The following DOCK3 variants were observed in gnomAD, a reference collection of about 807,000 sequenced individuals.
DOCK3 encodes dedicator of cytokinesis protein 3.
Under a neutral mutation model 265.6 loss-of-function variants are expected in DOCK3, and 60 were observed. That is an observed-to-expected ratio of 0.23 (90% CI 0.18 to 0.28). DOCK3 has a LOEUF of 0.28. Ranked by LOEUF, DOCK3 falls within the 10% of genes least tolerant of loss-of-function variation. The pLI, the probability that DOCK3 is intolerant of heterozygous loss-of-function variation, is 1.00. For missense variants in DOCK3, 1,981 were observed against 2,594.3 expected (o/e 0.76, Z 5.14); for synonymous variants, 881 against 938.0 (o/e 0.94, Z 1.11).
intron 12 of DOCK3, among the ~76,000 whole-genome samples, chr3:51,171,122 G>A (rs907550413): frequency 2.6e-5 from 4 of 151,938 alleles, no homozygotes; most frequent in Non-Finnish European, 4.4e-5. Flanking sequence ...TTAGTTCCTT[G>A]AGATATAACA....
At chr3:50,927,132 T>C (rs1442904672) in intron 4 of DOCK3, among the ~76,000 whole-genome samples, 1 of 152,206 alleles carries the variant, frequency 6.6e-6, no homozygotes, top group African/African-American at 2.4e-5. Context: ...GCTTCTATTG[T>C]TTCTTATGCT....
At chr3:51,030,694 A>T (rs2080012422) in intron 5 of DOCK3, among the ~76,000 whole-genome samples, 1 of 152,206 alleles carries the variant, frequency 6.6e-6, no homozygotes, top group South Asian at 2.1e-4. Context: ...ATGTGTCAAG[A>T]GGAATAACAT....
intron 32 of DOCK3, among the ~76,000 whole-genome samples, chr3:51,327,236 G>A (rs2084187747): frequency 6.6e-6 from 1 of 152,096 alleles, no homozygotes; most frequent in Non-Finnish European, 1.5e-5. Flanking sequence ...TGGTGCCTGG[G>A]ACATGGTAGG....
At chr3:51,070,967 C>G (rs1347136830) in intron 6 of DOCK3, among the ~76,000 whole-genome samples, 1 of 152,198 alleles carries the variant, frequency 6.6e-6, no homozygotes, top group Non-Finnish European at 1.5e-5. Context: ...ACCCTCCCCC[C>G]GATCCGTGGA....
At chr3:50,995,059 A>G (rs901602117) in intron 5 of DOCK3, among the ~76,000 whole-genome samples, 2 of 152,170 alleles carry the variant, frequency 1.3e-5, no homozygotes, top group Non-Finnish European at 2.9e-5. Context: ...CTCAATATTC[A>G]TATTTCCAAA....
At chr3:51,129,600 T>G (rs1250738516) in intron 9 of DOCK3, among the ~76,000 whole-genome samples, 1 of 152,194 alleles carries the variant, frequency 6.6e-6, no homozygotes, top group Non-Finnish European at 1.5e-5. Context: ...GATAGGCCAT[T>G]GAGGTCGCAT....
At chr3:50,917,680 T>C (rs1384899562) in intron 4 of DOCK3, among the ~76,000 whole-genome samples, 6 of 152,174 alleles carry the variant, frequency 3.9e-5, no homozygotes, top group African/African-American at 1.4e-4. Flanking sequence ...TTAATATTGT[T>C]TGTTTTCTAT....
At chr3:51,204,311 AT>A (rs1205831731) in intron 12 of DOCK3, among the ~76,000 whole-genome samples, 1 of 144,410 alleles carries the variant, frequency 6.9e-6, no homozygotes, top group Non-Finnish European at 1.5e-5. Context: ...ACTCAAACAA[AT>A]TTACAAGAAA....
intron 6 of DOCK3, among the ~76,000 whole-genome samples, chr3:51,073,366 C>T (rs1181267689): frequency 6.6e-6 from 1 of 152,160 alleles, no homozygotes; most frequent in Non-Finnish European, 1.5e-5. Context: ...ATGTACTGCA[C>T]CTCGCTCTTG....
intron 3 of DOCK3, among the ~76,000 whole-genome samples, chr3:50,854,132 G>A (rs2046468126): frequency 6.6e-6 from 1 of 151,892 alleles, no homozygotes; most frequent in South Asian, 2.1e-4. Context: ...GTCTATTCAT[G>A]TCCTCTGCTC....
At chr3:51,019,402 A>G (rs762193722) in intron 5 of DOCK3, among the ~76,000 whole-genome samples, 3 of 151,876 alleles carry the variant, frequency 2.0e-5, no homozygotes, top group Admixed American at 6.6e-5. Flanking sequence ...TAGTGACTGT[A>G]TATGTGTGGG....
intron 5 of DOCK3, among the ~76,000 whole-genome samples, chr3:50,963,232 T>C (rs66793762): frequency 0.18 from 26,817 of 152,184 alleles, 3,047 homozygotes; most frequent in Non-Finnish European, 0.24. Flanking sequence ...TGCAAAACAT[T>C]ATAATGTATA....
chr3:51,183,406 A>G (rs2087412077), intron 12 of DOCK3, among the ~76,000 whole-genome samples: 1 of 152,036 alleles, frequency 6.6e-6, no homozygotes, highest in African/African-American at 2.4e-5. Context: ...AAGAAGAGCT[A>G]TCTTGAAATG....
intron 4 of DOCK3, among the ~76,000 whole-genome samples, chr3:50,929,063 A>G (rs2050919665): frequency 6.6e-6 from 1 of 152,206 alleles, no homozygotes; most frequent in Non-Finnish European, 1.5e-5. Flanking sequence ...TGACTTCATG[A>G]TATTTTCAAC....
At chr3:51,122,260 G>A (rs2084056484) in intron 9 of DOCK3, among the ~76,000 whole-genome samples, 2 of 152,138 alleles carry the variant, frequency 1.3e-5, no homozygotes, top group Admixed American at 1.3e-4. Flanking sequence ...CAGGAGGATT[G>A]CTTGAGGCCG....
chr3:50,947,910 C>G (rs1302569283), intron 5 of DOCK3, among the ~76,000 whole-genome samples: 1 of 146,582 alleles, frequency 6.8e-6, no homozygotes, highest in Non-Finnish European at 1.5e-5. Flanking sequence ...GGCTGGAGTG[C>G]TGTGGCGCTA....
chr3:50,912,668 C>T (rs1199979159), intron 4 of DOCK3, among the ~76,000 whole-genome samples: 4 of 152,124 alleles, frequency 2.6e-5, no homozygotes, highest in Non-Finnish European at 5.9e-5. Context: ...CAACATCCTT[C>T]CCCCTTTTCC....
intron 19 of DOCK3, among the ~76,000 whole-genome samples, chr3:51,235,335 T>TACA (rs1485097244): frequency 6.6e-6 from 1 of 152,222 alleles, no homozygotes; most frequent in Admixed American, 6.5e-5. Flanking sequence ...AGAAGTCTGT[T>TACA]GTCTTTTCAA....
chr3:51,246,262 T>C (rs1462582613), intron 21 of DOCK3, among the ~76,000 whole-genome samples: 1 of 145,426 alleles, frequency 6.9e-6, no homozygotes, highest in African/African-American at 2.6e-5. Flanking sequence ...AGATGAGATA[T>C]TGTTCTGTTG....
Sources: gnomAD v4.1 joint callset for allele counts (sites outside exome capture counted in the v4.1 genomes callset) on GRCh38, gnomAD v4.1.1 for gene constraint, MANE v1.5 for transcripts, NCBI Gene and HGNC (gene_info 2026-07-23, HGNC 2026-07-21) for gene names.